Variants in TYW1 observed in about 807,000 individuals in gnomAD.
The protein encoded by TYW1 is S-adenosyl-L-methionine-dependent tRNA 4-demethylwyosine synthase TYW1.
In TYW1, 46 loss-of-function variants were observed where a neutral mutation model predicts 96.2. The ratio of observed to expected loss-of-function variants is 0.48; its 90% CI spans 0.38 to 0.61. The LOEUF is 0.61. TYW1 is among the 20% of genes least tolerant of loss of function. The probability of loss-of-function intolerance (pLI) is 0.00; values close to 1 mark genes in which losing one functional copy is unlikely to be tolerated. For missense variants in TYW1, 684 were observed against 909.6 expected (o/e 0.75, Z 3.19); for synonymous variants, 274 against 323.0 (o/e 0.85, Z 1.63).
chr7:67,032,567 G>A (rs1276296852), intron 7 of TYW1, among the ~76,000 whole-genome samples: 3 of 152,168 alleles, frequency 2.0e-5, no homozygotes, highest in African/African-American at 7.2e-5. Flanking sequence ...GTTGCAGTGA[G>A]CTGAGATCGT....
chr7:67,135,921 C>T (rs1348024550), intron 13 of TYW1, among the ~76,000 whole-genome samples: 1 of 152,186 alleles, frequency 6.6e-6, no homozygotes, highest in Non-Finnish European at 1.5e-5. Flanking sequence ...ATAATCATAG[C>T]TCTAATAGCT....
At chr7:67,025,772 A>G (rs1794431494) in intron 7 of TYW1, among the ~76,000 whole-genome samples, 1 of 152,180 alleles carries the variant, frequency 6.6e-6, no homozygotes, top group Non-Finnish European at 1.5e-5. Flanking sequence ...AATATTGTGT[A>G]TACTATACTA....
At chr7:67,058,333 G>C (rs553334836) in intron 9 of TYW1, among the ~76,000 whole-genome samples, 2 of 152,304 alleles carry the variant, frequency 1.3e-5, no homozygotes, top group East Asian at 3.9e-4. Flanking sequence ...TGATACAGAA[G>C]TTATATAAAC....
At chr7:67,198,965 G>C (rs1165499738) in intron 15 of TYW1, among the ~76,000 whole-genome samples, 1 of 152,056 alleles carries the variant, frequency 6.6e-6, no homozygotes, top group African/African-American at 2.4e-5. Context: ...GGAGACCGAG[G>C]CAGGTGGATC....
At chr7:67,055,724 A>G (rs1200023065) in intron 8 of TYW1, 111 bp from the exon 9 acceptor site, 5 of 671,848 alleles carry the variant, frequency 7.4e-6, no homozygotes, top group Middle Eastern at 6.2e-4. Context: ...GGGTTGGTTG[A>G]CTGCAATAAT....
chr7:67,205,025 A>G (rs1800737609), intron 15 of TYW1, among the ~76,000 whole-genome samples: 1 of 152,000 alleles, frequency 6.6e-6, no homozygotes, highest in Non-Finnish European at 1.5e-5. Flanking sequence ...TCAAGTTGAG[A>G]TTTTCCTGTT....
chr7:67,083,800 C>T (rs188949458), intron 11 of TYW1, among the ~76,000 whole-genome samples: 11 of 152,222 alleles, frequency 7.2e-5, no homozygotes, highest in South Asian at 2.1e-4. Flanking sequence ...TTTGGGAGGC[C>T]GAGGCGGGTG....
intron 12 of TYW1, among the ~76,000 whole-genome samples, chr7:67,099,311 T>C (rs1797016619): frequency 6.6e-6 from 1 of 152,158 alleles, no homozygotes; most frequent in Non-Finnish European, 1.5e-5. Flanking sequence ...GCATTACAGG[T>C]GTGAGCCACT....
At chr7:67,073,870 C>T (rs1796121044) in intron 10 of TYW1, among the ~76,000 whole-genome samples, 1 of 149,462 alleles carries the variant, frequency 6.7e-6, no homozygotes. Context: ...ATCACGAGGT[C>T]AGGAGATCGA....
intron 14 of TYW1, among the ~76,000 whole-genome samples, chr7:67,186,266 C>CG (rs1331840952): frequency 2.8e-4 from 11 of 39,782 alleles, no homozygotes; most frequent in African/African-American, 1.6e-3. Context: ...TTCCTTTCTT[C>CG]CCCCCCGCCC....
intron 9 of TYW1, among the ~76,000 whole-genome samples, chr7:67,061,487 C>A (rs1475329354): frequency 6.6e-6 from 1 of 152,154 alleles, no homozygotes; most frequent in Admixed American, 6.5e-5. Context: ...AGCTAGGAAG[C>A]CAAACCAGGG....
chr7:67,105,446 C>T (rs938051981), intron 12 of TYW1, among the ~76,000 whole-genome samples: 1 of 152,208 alleles, frequency 6.6e-6, no homozygotes, highest in African/African-American at 2.4e-5. Flanking sequence ...GTAGGTTTTG[C>T]TTTTCCTACA....
At chr7:67,129,373 C>T (rs1407874885) in intron 13 of TYW1, among the ~76,000 whole-genome samples, 2 of 152,134 alleles carry the variant, frequency 1.3e-5, no homozygotes, top group African/African-American at 4.8e-5. Flanking sequence ...AAGTGTAGGG[C>T]CCCTAATGAC....
chr7:67,084,679 C>T (rs529741557), intron 11 of TYW1, among the ~76,000 whole-genome samples: 117 of 152,164 alleles, frequency 7.7e-4, no homozygotes, highest in African/African-American at 2.2e-3. Context: ...CGGGCCACCA[C>T]ACCTGGCTAA....
At chr7:67,076,775 C>CTTT (rs543408648) in intron 10 of TYW1, among the ~76,000 whole-genome samples, 3 of 123,608 alleles carry the variant, frequency 2.4e-5, no homozygotes, top group Admixed American at 8.6e-5. Flanking sequence ...TGCACTCAGC[C>CTTT]TTTTTTTTTT....
intron 14 of TYW1, among the ~76,000 whole-genome samples, chr7:67,193,772 A>AG (rs1283638895): frequency 1.3e-5 from 2 of 151,684 alleles, no homozygotes; most frequent in African/African-American, 2.4e-5. Context: ...AAAAAAAAAA[A>AG]AAAAATTCAG....
chr7:67,055,413 A>G (rs547114821), intron 8 of TYW1, among the ~76,000 whole-genome samples: 7 of 152,214 alleles, frequency 4.6e-5, no homozygotes, highest in African/African-American at 1.2e-4. Flanking sequence ...CCTGGCCAAC[A>G]TGGTGATACC....
rs182503035 is a variant in TYW1 at position 67,162,358 on chromosome 7, A to G, written c.1699-20768A>G. On this transcript the variant is annotated intron_variant, in intron 13 of 15. Transcript: ENST00000359626. ...AAAATTCTGAACATCCCTGGACTATAGAGTTTTTGCATTTGAATGATTAAT... is the reference window on the plus strand; with the variant it reads ...AAAATTCTGAACATCCCTGGACTATGGAGTTTTTGCATTTGAATGATTAAT... Among the ~76,000 whole-genome samples the G allele has an allele frequency of 1.5e-3, 221 of 151,616 alleles. 5 individuals are homozygous for G. The South Asian group carries it at 0.023, about 16-fold the overall frequency.
chr7:67,228,427 T>C (rs34773993), intron 15 of TYW1, among the ~76,000 whole-genome samples: 40,767 of 151,996 alleles, frequency 0.27, 5,828 homozygotes, highest in African/African-American at 0.36. Flanking sequence ...AATTACCTCC[T>C]ACCTGGTCCC....
Sources: allele counts gnomAD v4.1 joint callset (sites outside exome capture counted in the v4.1 genomes callset), GRCh38; gene constraint gnomAD v4.1.1; transcripts MANE v1.5; gene names NCBI Gene and HGNC (gene_info 2026-07-23, HGNC 2026-07-21).